SH2B3: variants seen among roughly 807,000 people sequenced by gnomAD.
The protein encoded by SH2B3 is SH2B adaptor protein 3, also known as SH2B adapter protein 3.
In SH2B3, 43 loss-of-function variants were observed where a neutral mutation model predicts 51.9. That is an observed-to-expected ratio of 0.83 (90% CI 0.65 to 1.07). SH2B3 has a LOEUF of 1.07. Ranked by LOEUF, SH2B3 falls within the 50% of genes least tolerant of loss-of-function variation. SH2B3 has a pLI of 0.00. For missense variants in SH2B3, 952 were observed against 834.3 expected (o/e 1.14, Z -1.74); for synonymous variants, 396 against 376.0 (o/e 1.05, Z -0.62).
chr12:111,405,980 C>T lies in SH2B3; in HGVS notation c.-325C>T, dbSNP rs1025190810. On this transcript the variant is annotated 5_prime_UTR_variant, in exon 1 of 8. Coordinates refer to ENST00000341259, the MANE Select transcript of SH2B3 (RefSeq NM_005475.3). This position sits in a 1 kb window ranked among gnomAD's most constrained non-coding sequence, Gnocchi z 5.4. The stretch of plus-strand genomic sequence containing the variant: ...CACCGCCTCCGCCCGGCTGCCCGCC[C>T]GGACTGTCGCGGCCCGCGGTGGCGA... The T allele has an allele frequency of 1.3e-5, 2 of 151,742 alleles. No individual in the cohort carries two copies. Among genetic ancestry groups the T allele is most frequent in the East Asian group, 1.9e-4 (1 of 5,164 alleles). 9.4% of individuals were successfully genotyped at this position (151,742 alleles called of 1,614,324 possible).
intron 2 of SH2B3, among the ~76,000 whole-genome samples, chr12:111,420,420 C>T (rs1374906099): frequency 6.7e-6 from 1 of 149,912 alleles, no homozygotes; most frequent in Non-Finnish European, 1.5e-5. Flanking sequence ...TGGCTTAATT[C>T]CTACTGTGCT....
At chr12:111,445,294 AG>A (rs1412669943) in intron 2 of SH2B3, among the ~76,000 whole-genome samples, 3 of 152,184 alleles carry the variant, frequency 2.0e-5, no homozygotes, top group Admixed American at 1.3e-4. Context: ...AAGTAGCAGA[AG>A]GAAGTGGCCA....
Position 111,418,781 on chromosome 12 carries a change from C to G in SH2B3, c.636C>G (p.Asp212Glu). 1 of 1,467,222 alleles carries G rather than the reference C, an allele frequency of 6.8e-7. No homozygotes were observed. The highest frequency in any genetic ancestry group is 8.9e-7 in the Non-Finnish European group (1 of 1,118,858). 90.9% of individuals were successfully genotyped at this position (1,467,222 alleles called of 1,614,324 possible). A position where few individuals can be genotyped will look rare whatever the true frequency, so the allele number is the denominator to read the frequency against. ...RYSLADEASMDSGARWQRGRL... is the reference protein window; with the variant it reads ...RYSLADEASMESGARWQRGRL... The stretch of plus-strand genomic sequence containing the variant: ...GCCTGGCCGACGAGGCCTCCATGGA[C>G]AGCGGGGCACGCTGGCAGCGCGGGA... The change falls in exon 2 of 8, where the codon GAC becomes GAG. Residue 212 changes from aspartate to glutamate, a missense_variant. By Grantham distance (45) the Asp-to-Glu change is conservative (BLOSUM62 2). Coordinates refer to ENST00000341259, the MANE Select transcript of SH2B3 (RefSeq NM_005475.3). This position sits in a 1 kb window ranked among gnomAD's most constrained non-coding sequence, Gnocchi z 6.7.
chr12:111,442,791 C>T (rs1186436233), intron 2 of SH2B3, among the ~76,000 whole-genome samples: 1 of 152,258 alleles, frequency 6.6e-6, no homozygotes, highest in Non-Finnish European at 1.5e-5. Flanking sequence ...TGCTCTCTCA[C>T]CAGGGGAGGC....
At chr12:111,425,565 C>T (rs1300900598) in intron 2 of SH2B3, among the ~76,000 whole-genome samples, 1 of 152,154 alleles carries the variant, frequency 6.6e-6, no homozygotes, top group African/African-American at 2.4e-5. Flanking sequence ...AAAGGTGAGA[C>T]TACAAAGGTA....
Position 111,409,891 on chromosome 12 carries a change from C to G in SH2B3, c.-28+3614C>G, listed in dbSNP as rs983364690. On this transcript the variant is annotated intron_variant, in intron 1 of 7. Coordinates refer to ENST00000341259, the MANE Select transcript of SH2B3 (RefSeq NM_005475.3). The surrounding 1 kb of genome is among the most constrained non-coding windows in gnomAD (Gnocchi z 4.0). ...CCAGGGGAACAGGTCCTCCTGGTGC[C>G]CCCCCACTCCCCGCCCCAGCCGGAA... Among the ~76,000 whole-genome samples the G allele has an allele frequency of 1.3e-5, 2 of 152,168 alleles. No homozygotes were observed. Among genetic ancestry groups the G allele is most frequent in the African/African-American group, 4.8e-5 (2 of 41,458 alleles).
At position 111,447,788 on chromosome 12, in the gene SH2B3, C is replaced by T. The variant is rs1412875800; in HGVS notation, c.1369C>T (p.Arg457Trp). The T allele has an allele frequency of 5.0e-6, 8 of 1,614,118 alleles. No homozygotes were observed. Among genetic ancestry groups the T allele is most frequent in the East Asian group, 2.2e-5 (1 of 44,878 alleles). ...CGAGTGCGGCGCCGCCTGTGATGTC[C>T]GGCTCTCCAGCTACGTGGTAGTCGT... ...PLECGAACDVRLSSYVVVVSQ... is the reference protein window; with the variant it reads ...PLECGAACDVWLSSYVVVVSQ... Residue 457 changes from arginine (R) to tryptophan (W), a missense_variant, in exon 7 of 8, where the codon CGG becomes TGG. Coordinates refer to ENST00000341259, the MANE Select transcript of SH2B3 (RefSeq NM_005475.3).
intron 1 of SH2B3, among the ~76,000 whole-genome samples, chr12:111,408,591 C>T (rs1345031060): frequency 6.6e-6 from 1 of 152,202 alleles, no homozygotes; most frequent in African/African-American, 2.4e-5. Context: ...GGGACCTCCT[C>T]GCTGCCAGTC....
At chr12:111,422,391 A>G (rs1374958136) in intron 2 of SH2B3, among the ~76,000 whole-genome samples, 3 of 152,118 alleles carry the variant, frequency 2.0e-5, no homozygotes, top group Non-Finnish European at 4.4e-5. Context: ...GCACCTTTTC[A>G]TATGTTGATT....
At chr12:111,439,735 G>A (rs1320974480) in intron 2 of SH2B3, among the ~76,000 whole-genome samples, 12 of 152,188 alleles carry the variant, frequency 7.9e-5, no homozygotes, top group African/African-American at 2.4e-4. Flanking sequence ...GAGCAGCATC[G>A]TGGGGGTGGA....
chr12:111,439,487 T>C (rs1873203266), intron 2 of SH2B3, among the ~76,000 whole-genome samples: 1 of 152,140 alleles, frequency 6.6e-6, no homozygotes, highest in Non-Finnish European at 1.5e-5. Flanking sequence ...GGTTTCACCA[T>C]ATTGGCCAGG....
chr12:111,417,025 T>C (rs1871140319), intron 1 of SH2B3, among the ~76,000 whole-genome samples: 1 of 152,180 alleles, frequency 6.6e-6, no homozygotes, highest in Admixed American at 6.5e-5. Context: ...GTTTTATGTA[T>C]GTTCATGTAA....
intron 2 of SH2B3, among the ~76,000 whole-genome samples, chr12:111,428,932 A>C (rs992468763): frequency 2.7e-5 from 4 of 148,820 alleles, no homozygotes; most frequent in African/African-American, 9.8e-5. Context: ...AGCCACCCCC[A>C]TGCCTCCGGG....
intron 2 of SH2B3, chr12:111,434,901 C>T (rs1475809947): frequency 7.2e-6 from 11 of 1,535,496 alleles, no homozygotes; most frequent in African/African-American, 1.4e-5. Flanking sequence ...CTCAGAAGGA[C>T]ATGGGATTCC....
intron 2 of SH2B3, among the ~76,000 whole-genome samples, chr12:111,425,730 G>C (rs933398270): frequency 1.3e-5 from 2 of 152,168 alleles, no homozygotes; most frequent in Admixed American, 1.3e-4. Flanking sequence ...GGACCCTCCA[G>C]GCTACCTGTG....
chr12:111,443,153 C>T (rs1389623907), intron 2 of SH2B3, among the ~76,000 whole-genome samples: 4 of 152,234 alleles, frequency 2.6e-5, no homozygotes, highest in East Asian at 1.9e-4. Context: ...GCCTCCAGCC[C>T]GTCACATTCC....
intron 1 of SH2B3, among the ~76,000 whole-genome samples, chr12:111,417,738 T>G (rs1173868331): frequency 6.6e-6 from 1 of 152,140 alleles, no homozygotes; most frequent in Non-Finnish European, 1.5e-5. Flanking sequence ...ATTACAGGCC[T>G]GAGCCTCCGA....
intron 2 of SH2B3, among the ~76,000 whole-genome samples, chr12:111,433,746 C>T (rs543583923): frequency 2.0e-5 from 3 of 152,098 alleles, no homozygotes; most frequent in Middle Eastern, 3.2e-3. Flanking sequence ...TTTTTCACTA[C>T]ACTACGTGAT....
At chr12:111,412,447 C>A (rs1367623613) in intron 1 of SH2B3, among the ~76,000 whole-genome samples, 1 of 152,208 alleles carries the variant, frequency 6.6e-6, no homozygotes, top group Non-Finnish European at 1.5e-5. Flanking sequence ...ATGAGGCAGG[C>A]CCCCCTGTGG....
Sources: gnomAD v4.1 joint callset for allele counts (sites outside exome capture counted in the v4.1 genomes callset) on GRCh38, gnomAD v4.1.1 for gene constraint, Gnocchi (gnomAD v3.1) non-coding constraint, MANE v1.5 for transcripts, NCBI Gene and HGNC (gene_info 2026-07-23, HGNC 2026-07-21) for gene names.